The following FAM107A variants were observed in gnomAD, a reference collection of about 807,000 sequenced individuals.
The protein encoded by FAM107A is actin-associated protein FAM107A.
A neutral mutation model predicts 13.7 loss-of-function variants in FAM107A; 19 were observed. The observed-to-expected ratio is 1.38, with a 90% CI of 0.97 to 2.03. FAM107A has a LOEUF of 2.03. Among genes scored for constraint, FAM107A ranks in the 30% most tolerant of loss-of-function variants. The pLI is 0.00. For synonymous variants in FAM107A, 82 were observed against 74.5 expected (o/e 1.10, Z -0.52); for missense variants, 203 against 184.4 (o/e 1.10, Z -0.58).
At chr3:58,616,053 T>C (rs1303120096) in intron 1 of FAM107A, among the ~76,000 whole-genome samples, 1 of 151,990 alleles carries the variant, frequency 6.6e-6, no homozygotes, top group Non-Finnish European at 1.5e-5. Flanking sequence ...GAGATACCTG[T>C]GGAGCCCAGT....
intron 1 of FAM107A, among the ~76,000 whole-genome samples, chr3:58,616,334 AG>A (rs1559487455): frequency 6.6e-6 from 1 of 152,102 alleles, no homozygotes; most frequent in East Asian, 1.9e-4. Context: ...CCAAGTACAG[AG>A]GTCCAGGGGG....
chr3:58,579,098 G>A (rs778218684), upstream of FAM107A, among the ~76,000 whole-genome samples: 30 of 152,182 alleles, frequency 2.0e-4, no homozygotes, highest in Non-Finnish European at 3.8e-4. Flanking sequence ...ACGCAAGGCT[G>A]GGTGAGGTGA....
chr3:58,622,652 T>A (rs893875744), intron 1 of FAM107A, among the ~76,000 whole-genome samples: 1 of 151,772 alleles, frequency 6.6e-6, no homozygotes, highest in Non-Finnish European at 1.5e-5. Context: ...TGCAGAGAAG[T>A]GTTGGCGGTG....
chr3:58,566,788 T>C (rs2063626370), intron 3 of FAM107A, 93 bp from the exon 4 acceptor site: 1 of 1,018,616 alleles, frequency 9.8e-7, no homozygotes, highest in Non-Finnish European at 1.5e-6. Context: ...GCCCACTCAG[T>C]GGGGAAACAG....
chr3:58,600,197 G>C (rs2065742291), intron 1 of FAM107A, among the ~76,000 whole-genome samples: 1 of 152,130 alleles, frequency 6.6e-6, no homozygotes, highest in Non-Finnish European at 1.5e-5. Context: ...AAAGGGGCTT[G>C]ACTGTTTTCT....
In FAM107A at chr3:58,570,583, CAGAGAGAGAGAGAGAGAGAGAG is replaced by C. The variant is rs371909507; in HGVS notation, c.-5-740_-5-719del. On this transcript the variant is annotated intron_variant, in intron 1 of 3. Transcript: ENST00000360997. ...TTGAAATGCCCAAAAGCAAATACAG[CAGAGAGAGAGAGAGAGAGAGAG>C]AGAGAGAGAGAGAGAGAGAGAGAGA... 1.5e-3 allele frequency among the ~76,000 whole-genome samples: 138 copies of C among 91,072 alleles called. 2 individuals are homozygous for C. The highest frequency in any genetic ancestry group is 2.1e-3 in the African/African-American group (58 of 27,004). The allele number at this position is 91,072 out of a possible 152,430, so 59.7% of individuals were successfully genotyped here.
intron 1 of FAM107A, among the ~76,000 whole-genome samples, chr3:58,586,395 G>A (rs1011238923): frequency 3.9e-5 from 6 of 151,980 alleles, no homozygotes; most frequent in Non-Finnish European, 8.8e-5. Flanking sequence ...AAGAGGGAAG[G>A]AACAAAGGAA....
chr3:58,603,702 T>C (rs1264430859), intron 1 of FAM107A, among the ~76,000 whole-genome samples: 3 of 152,120 alleles, frequency 2.0e-5, no homozygotes, highest in African/African-American at 7.2e-5. Flanking sequence ...CAAGATGGGC[T>C]CAACCCCCAA....
upstream of FAM107A, chr3:58,577,556 A>G (rs17059410): frequency 4.0e-5 from 39 of 985,444 alleles, no homozygotes; most frequent in African/African-American, 5.9e-4. The surrounding 1 kb of genome is among the most constrained non-coding windows in gnomAD (Gnocchi z 4.9). Context: ...CACTTCCACG[A>G]TGCGGAACAT....
chr3:58,609,225 T>C (rs1456363864), intron 1 of FAM107A: 1 of 152,136 alleles, frequency 6.6e-6, no homozygotes, highest in East Asian at 1.9e-4. Context: ...CTTGGGCAAA[T>C]GGCGTAACGT....
chr3:58,570,780 T>C (rs2108042260), intron 1 of FAM107A, among the ~76,000 whole-genome samples: 1 of 152,274 alleles, frequency 6.6e-6, no homozygotes, highest in East Asian at 1.9e-4. Flanking sequence ...GCTCCTATTA[T>C]ATGCCAGGCC....
chr3:58,568,153 G>A (rs1218926953), intron 2 of FAM107A, among the ~76,000 whole-genome samples: 1 of 151,824 alleles, frequency 6.6e-6, no homozygotes, highest in Admixed American at 6.6e-5. Context: ...AAGAGATCTG[G>A]GCCAGGCACA....
intron 1 of FAM107A, among the ~76,000 whole-genome samples, chr3:58,626,310 C>T (rs971453905): frequency 7.2e-5 from 11 of 152,144 alleles, no homozygotes; most frequent in East Asian, 1.9e-4. Context: ...CGCAGGGGTC[C>T]GCAGAGCACA....
At chr3:58,586,431 A>G (rs189428062) in intron 1 of FAM107A, among the ~76,000 whole-genome samples, 79 of 151,966 alleles carry the variant, frequency 5.2e-4, no homozygotes, top group Admixed American at 9.8e-4. Flanking sequence ...AAGGAGGAAG[A>G]AAAAAAAAGT....
chr3:58,569,588 G>C lies in FAM107A; in HGVS notation c.170+103C>G, dbSNP rs1470073455. 5 of 967,546 alleles carry C rather than the reference G, an allele frequency of 5.2e-6. No homozygotes were observed. Among genetic ancestry groups the C allele is most frequent in the Non-Finnish European group, 7.7e-6 (5 of 648,924 alleles). The allele number at this position is 967,546 out of a possible 1,614,324, so 59.9% of individuals were successfully genotyped here. ...CCTCAGCCTTCCTCAGTCTCCAGGA[G>C]CCCCAGGATGAAAGCCAGCTCTGCT... On this transcript the variant is annotated intron_variant, in intron 2 of 3. Transcript: ENST00000360997. This position sits in a 1 kb window ranked among gnomAD's most constrained non-coding sequence, Gnocchi z 5.7.
intron 1 of FAM107A, among the ~76,000 whole-genome samples, chr3:58,574,638 C>T (rs1460092730): frequency 2.0e-5 from 3 of 152,156 alleles, no homozygotes; most frequent in Non-Finnish European, 1.5e-5. Flanking sequence ...CACCAGTAGG[C>T]GACAGCTATT....
chr3:58,614,206 G>A (rs1024369553), intron 1 of FAM107A, among the ~76,000 whole-genome samples: 3 of 152,210 alleles, frequency 2.0e-5, no homozygotes, highest in Admixed American at 6.5e-5. Context: ...TTTCTGTGCC[G>A]CCAGGTCCTG....
At chr3:58,570,583 C>CAGAGAGAGAGAGAGAGAGAGAG (rs371909507) in intron 1 of FAM107A, among the ~76,000 whole-genome samples, 12 of 91,078 alleles carry the variant, frequency 1.3e-4, no homozygotes, top group East Asian at 2.9e-4. Flanking sequence ...GCAAATACAG[C>CAGAGAGAGAGAGAGAGAGAGAG]AGAGAGAGAG....
At chr3:58,624,624 A>G (rs1001243795) in intron 1 of FAM107A, among the ~76,000 whole-genome samples, 8 of 152,220 alleles carry the variant, frequency 5.3e-5, no homozygotes, top group Non-Finnish European at 1.0e-4. Flanking sequence ...GGCCTTAACC[A>G]ACCACGTGAT....
Sources: allele counts gnomAD v4.1 joint callset (sites outside exome capture counted in the v4.1 genomes callset), GRCh38; gene constraint gnomAD v4.1.1; non-coding constraint Gnocchi (gnomAD v3.1); transcripts MANE v1.5; gene names NCBI Gene and HGNC (gene_info 2026-07-23, HGNC 2026-07-21).